MACROD2: variants seen among roughly 807,000 people sequenced by gnomAD.
MACROD2 encodes mono-ADP ribosylhydrolase 2.
MACROD2 carries 36 observed loss-of-function variants against 70.4 expected under a neutral mutation model. The observed-to-expected ratio is 0.51, with a 90% CI of 0.39 to 0.68. The LOEUF is 0.68. MACROD2 is among the 30% of genes least tolerant of loss of function. The pLI is 0.00. For synonymous variants in MACROD2, 172 were observed against 178.8 expected (o/e 0.96, Z 0.30); for missense variants, 496 against 538.4 (o/e 0.92, Z 0.78).
chr20:15,284,309 A>G (rs2077472482), intron 6 of MACROD2, among the ~76,000 whole-genome samples: 3 of 152,190 alleles, frequency 2.0e-5, no homozygotes, highest in Non-Finnish European at 4.4e-5. Context: ...GGGATTAAAT[A>G]TCTCGTCTGT....
intron 2 of MACROD2, among the ~76,000 whole-genome samples, chr20:14,060,624 C>A (rs2053680997): frequency 6.6e-6 from 1 of 151,018 alleles, no homozygotes; most frequent in Admixed American, 6.6e-5. Flanking sequence ...GATTCGTAAT[C>A]TTCTTTGTGC....
chr20:14,702,603 ATATATATGTG>A lies in MACROD2; in HGVS notation c.418+17652_418+17661del, dbSNP rs1481659405. Among the ~76,000 whole-genome samples, 84 of 63,738 alleles carry A rather than the reference ATATATATGTG, an allele frequency of 1.3e-3. 8 individuals are homozygous for A. The highest frequency in any genetic ancestry group is 4.8e-3 in the African/African-American group (75 of 15,658). 41.8% of individuals were successfully genotyped at this position (63,738 alleles called of 152,430 possible). On this transcript the variant is annotated intron_variant, in intron 5 of 17. Coordinates refer to ENST00000684519, the MANE Select transcript of MACROD2 (RefSeq NM_001351661.2). ...TATATATATGTATATATATGTGTGTATATATATGTGTATATATATATACATATATATATGT... is the reference window on the plus strand; with the variant it reads ...TATATATATGTATATATATGTGTGTATATATATATATACATATATATATGT...
chr20:15,786,591 A>G (rs1437652199), intron 8 of MACROD2, among the ~76,000 whole-genome samples: 1 of 152,192 alleles, frequency 6.6e-6, no homozygotes, highest in Non-Finnish European at 1.5e-5. Context: ...TCTTTTGAAT[A>G]GAAAGTCAAA....
chr20:14,685,397 C>T (rs1269355881), intron 5 of MACROD2, among the ~76,000 whole-genome samples: 1 of 152,112 alleles, frequency 6.6e-6, no homozygotes, highest in Non-Finnish European at 1.5e-5. Context: ...TTTCCAGCTG[C>T]CATGTAAAGG....
chr20:15,135,244 G>T (rs991998398), intron 5 of MACROD2, among the ~76,000 whole-genome samples: 263 of 150,442 alleles, frequency 1.7e-3, no homozygotes, highest in African/African-American at 5.8e-3. Flanking sequence ...TACCAAAGCC[G>T]GGCAGAGACA....
At chr20:14,670,913 A>G (rs1041862917) in intron 4 of MACROD2, among the ~76,000 whole-genome samples, 1 of 152,170 alleles carries the variant, frequency 6.6e-6, no homozygotes, top group Non-Finnish European at 1.5e-5. Context: ...GTGGATGAGT[A>G]GGAAATCAAT....
chr20:14,285,617 G>GAA (rs879593828), intron 3 of MACROD2, among the ~76,000 whole-genome samples: 1 of 142,982 alleles, frequency 7.0e-6, no homozygotes, highest in Non-Finnish European at 1.5e-5. Context: ...ACTAAACTTA[G>GAA]AAAAAAAAAA....
At chr20:14,126,242 G>A (rs2054648752) in intron 3 of MACROD2, among the ~76,000 whole-genome samples, 1 of 152,120 alleles carries the variant, frequency 6.6e-6, no homozygotes. Context: ...CTCTTGCTAT[G>A]GCATCACATG....
chr20:15,080,852 C>T (rs2075697892), intron 5 of MACROD2, among the ~76,000 whole-genome samples: 3 of 152,114 alleles, frequency 2.0e-5, no homozygotes, highest in Non-Finnish European at 2.9e-5. Context: ...TAGCTTTATG[C>T]TTTACTTTTC....
intron 4 of MACROD2, among the ~76,000 whole-genome samples, chr20:14,682,461 A>ACATATATATATC (rs563865776): frequency 1.3e-3 from 203 of 151,324 alleles, no homozygotes; most frequent in Non-Finnish European, 2.5e-3. Context: ...ATATTACATT[A>ACATATATATATC]CATATATATA....
chr20:14,706,163 A>G (rs775289750), intron 5 of MACROD2, among the ~76,000 whole-genome samples: 3 of 151,930 alleles, frequency 2.0e-5, no homozygotes, highest in Non-Finnish European at 4.4e-5. Context: ...AAAATACAAA[A>G]ATTAGCTGGG....
chr20:14,632,902 T>G (rs188876234), intron 4 of MACROD2, among the ~76,000 whole-genome samples: 81 of 152,344 alleles, frequency 5.3e-4, no homozygotes, highest in African/African-American at 1.9e-3. Flanking sequence ...AGAAATTATT[T>G]GAAATAGTGT....
chr20:14,562,917 A>G (rs1979536312), intron 4 of MACROD2, among the ~76,000 whole-genome samples: 1 of 151,744 alleles, frequency 6.6e-6, no homozygotes, highest in Non-Finnish European at 1.5e-5. Context: ...TGCCTTGCTT[A>G]GTATGAACTT....
chr20:14,714,784 T>C (rs942047696), intron 5 of MACROD2, among the ~76,000 whole-genome samples: 1 of 152,180 alleles, frequency 6.6e-6, no homozygotes, highest in Admixed American at 6.5e-5. Flanking sequence ...GATCCCCTTA[T>C]AGAAGGGTCT....
At chr20:15,443,736 A>G (rs573599060) in intron 7 of MACROD2, among the ~76,000 whole-genome samples, 52 of 152,266 alleles carry the variant, frequency 3.4e-4, no homozygotes, top group South Asian at 1.0e-3. Flanking sequence ...AAATCTTAAT[A>G]AATATCTGTT....
chr20:14,330,174 A>G (rs2082808869), intron 3 of MACROD2, among the ~76,000 whole-genome samples: 1 of 152,050 alleles, frequency 6.6e-6, no homozygotes, highest in Non-Finnish European at 1.5e-5. Context: ...CCAGTTTTTA[A>G]TAAGTGTATT....
chr20:15,992,266 T>C (rs902674136), intron 15 of MACROD2, among the ~76,000 whole-genome samples: 1 of 152,178 alleles, frequency 6.6e-6, no homozygotes, highest in African/African-American at 2.4e-5. Flanking sequence ...ATCTTGTCTT[T>C]AAAGATTTAG....
At chr20:15,530,564 C>G (rs1403032257) in intron 8 of MACROD2, among the ~76,000 whole-genome samples, 1 of 151,852 alleles carries the variant, frequency 6.6e-6, no homozygotes, top group Non-Finnish European at 1.5e-5. Context: ...AAACCCGTCT[C>G]TACTAAAAAT....
chr20:15,112,760 A>G (rs765828674), intron 5 of MACROD2, among the ~76,000 whole-genome samples: 1 of 152,170 alleles, frequency 6.6e-6, no homozygotes, highest in Non-Finnish European at 1.5e-5. Context: ...TTCCTAAACT[A>G]AAATTCTGTA....
Sources: gnomAD v4.1 joint callset for allele counts (sites outside exome capture counted in the v4.1 genomes callset) on GRCh38, gnomAD v4.1.1 for gene constraint, MANE v1.5 for transcripts, NCBI Gene and HGNC (gene_info 2026-07-23, HGNC 2026-07-21) for gene names.